HSD17B14: variants seen among roughly 807,000 people sequenced by gnomAD.
The protein encoded by HSD17B14 is hydroxysteroid 17-beta dehydrogenase 14.
Under a neutral mutation model 32.2 loss-of-function variants are expected in HSD17B14, and 32 were observed. The observed-to-expected ratio is 0.99, with a 90% confidence interval of 0.75 to 1.33. HSD17B14 has a LOEUF of 1.33. Among genes scored for constraint, HSD17B14 ranks in the 40% most tolerant of loss-of-function variants. The pLI, the probability that HSD17B14 is intolerant of heterozygous loss-of-function variation, is 0.00. For synonymous variants in HSD17B14, 140 were observed against 155.4 expected (o/e 0.90, Z 0.74); for missense variants, 370 against 366.5 (o/e 1.01, Z -0.08).
chr19:48,835,975 A>C, intron 1 of HSD17B14, 132 bp from the exon 2 acceptor site: 1 of 773,802 alleles, frequency 1.3e-6, no homozygotes, highest in Non-Finnish European at 2.1e-6. Context: ...CCCATAGGAC[A>C]GAGGGCAGAC....
chr19:48,832,412 A>AAAAAG (rs900558422), intron 4 of HSD17B14, among the ~76,000 whole-genome samples: 23 of 151,998 alleles, frequency 1.5e-4, no homozygotes, highest in Non-Finnish European at 3.2e-4. Flanking sequence ...GAAGAGAAGA[A>AAAAAG]AAAAGAAAAG....
In HSD17B14 at chr19:48,816,288, G is replaced by A. The variant is rs534542057; in HGVS notation, c.370-1147C>T. The stretch of plus-strand genomic sequence containing the variant: ...CACCCCTAGCAGGCTCTCCGAGTGG[G>A]AATCTAAATGAGCTCCCTGCCCGGT... On this transcript the variant is annotated intron_variant, in intron 5 of 8. Coordinates refer to ENST00000263278, the MANE Select transcript of HSD17B14 (RefSeq NM_016246.3). Among the ~76,000 whole-genome samples the A allele has an allele frequency of 1.6e-4, 25 of 152,240 alleles. No homozygotes were observed. In the South Asian group the frequency reaches 5.2e-3, roughly 32 times the overall value.
intron 5 of HSD17B14, among the ~76,000 whole-genome samples, chr19:48,822,326 GTGATGGTGATGA>G (rs2035169516): frequency 6.9e-6 from 1 of 144,728 alleles, no homozygotes; most frequent in African/African-American, 2.6e-5. Flanking sequence ...GGCAATGATG[GTGATGGTGATGA>G]TGGTGGTGAT....
chr19:48,816,040 A>G (rs957981320), intron 5 of HSD17B14, among the ~76,000 whole-genome samples: 15 of 150,320 alleles, frequency 1.0e-4, no homozygotes, highest in South Asian at 2.1e-4. Flanking sequence ...AAAAAAAAAA[A>G]AAAGAAATGC....
At chr19:48,816,022 GAAAAA>G (rs71179053) in intron 5 of HSD17B14, among the ~76,000 whole-genome samples, 4 of 74,308 alleles carry the variant, frequency 5.4e-5, no homozygotes, top group African/African-American at 1.7e-4. Context: ...CTCCGTTTCA[GAAAAA>G]AAAAAAAAAA....
chr19:48,815,327 G>A (rs2122736751), intron 5 of HSD17B14, among the ~76,000 whole-genome samples, 186 bp from the exon 6 acceptor site: 1 of 152,178 alleles, frequency 6.6e-6, no homozygotes, highest in Admixed American at 6.5e-5. Context: ...TGGGGTCGCT[G>A]GGTCTCAGCA....
intron 5 of HSD17B14, among the ~76,000 whole-genome samples, chr19:48,828,466 AAATT>A (rs2035287076): frequency 6.6e-6 from 1 of 151,838 alleles, no homozygotes; most frequent in Admixed American, 6.6e-5. Flanking sequence ...AAAAAGTTAA[AAATT>A]AGTCAGTCAT....
intron 5 of HSD17B14, among the ~76,000 whole-genome samples, chr19:48,815,760 A>T (rs2035040545): frequency 6.6e-6 from 1 of 151,994 alleles, no homozygotes; most frequent in Non-Finnish European, 1.5e-5. Flanking sequence ...AGTGTCTCAC[A>T]CCTGTAATCC....
Position 48,831,772 on chromosome 19 carries a change from G to A in HSD17B14, c.278-13C>T. On this transcript the variant is annotated splice_polypyrimidine_tract_variant and intron_variant, in intron 4 of 8. Coordinates refer to ENST00000263278, the MANE Select transcript of HSD17B14 (RefSeq NM_016246.3). ...TGTGGGGGTGGGTCTAAAGTGGGGG[G>A]TGAGAGAGAGAGGAAAAGTGACGGG... The A allele has an allele frequency of 2.6e-6, 4 of 1,536,510 alleles. No homozygotes were observed. Among genetic ancestry groups the A allele is most frequent in the Non-Finnish European group, 3.6e-6 (4 of 1,112,278 alleles).
At chr19:48,826,528 A>AAAATATATATATAT (rs777368104) in intron 5 of HSD17B14, among the ~76,000 whole-genome samples, 10 of 23,094 alleles carry the variant, frequency 4.3e-4, no homozygotes, top group Non-Finnish European at 5.2e-4. Flanking sequence ...AAAAGAAGAA[A>AAAATATATATATAT]ATATATATAT....
In HSD17B14 at chr19:48,813,695, C is replaced by T; in HGVS notation, c.510G>A (p.Leu170=). ...CTCGGACACCATATGGACTTTCATC[C>T]AGGGCCAAAGCTTTGGTCATGGCTG... ...AVTAMTKALA[L]DESPYGVRVN... Residue 170 remains leucine (L), a synonymous_variant, in exon 7 of 9, where the codon CTG becomes CTA. Transcript: ENST00000263278. 6.2e-7 allele frequency: 1 copy of T among 1,614,222 alleles called. No individual in the cohort carries two copies. Among genetic ancestry groups the T allele is most frequent in the Non-Finnish European group, 8.5e-7 (1 of 1,180,044 alleles).
At chr19:48,815,170 C>T in intron 5 of HSD17B14, 29 bp from the exon 6 acceptor site, 1 of 1,549,594 alleles carries the variant, frequency 6.5e-7, no homozygotes, top group Non-Finnish European at 8.9e-7. Context: ...AAGTAAGCTA[C>T]ACAAGCCCTG....
intron 5 of HSD17B14, among the ~76,000 whole-genome samples, chr19:48,819,592 C>T (rs1360905809): frequency 1.3e-5 from 2 of 152,140 alleles, no homozygotes; most frequent in African/African-American, 4.8e-5. Context: ...GCCAGGCCCT[C>T]GCCCTGCCAT....
chr19:48,823,711 A>G (rs1159481355), intron 5 of HSD17B14, among the ~76,000 whole-genome samples: 1 of 148,254 alleles, frequency 6.7e-6, no homozygotes, highest in Non-Finnish European at 1.5e-5. Flanking sequence ...ATTTCAGCCC[A>G]CTGCAACCTC....
chr19:48,827,801 G>A (rs1198919773), intron 5 of HSD17B14, among the ~76,000 whole-genome samples: 5 of 151,234 alleles, frequency 3.3e-5, no homozygotes, highest in African/African-American at 1.2e-4. Flanking sequence ...GCATCCCAAA[G>A]TGCTGGGATT....
At chr19:48,814,996 G>T in intron 6 of HSD17B14, 41 bp downstream of exon 6, 1 of 1,492,754 alleles carries the variant, frequency 6.7e-7, no homozygotes, top group Non-Finnish European at 9.3e-7. Flanking sequence ...AGGCCCATGG[G>T]AAGGAGTAGG....
At chr19:48,833,665 A>G (rs1353485625) in intron 3 of HSD17B14, among the ~76,000 whole-genome samples, 3 of 152,118 alleles carry the variant, frequency 2.0e-5, no homozygotes, top group Non-Finnish European at 4.4e-5. Context: ...CGTCTCTACT[A>G]AAAATACAAA....
At position 48,834,437 on chromosome 19, in the gene HSD17B14, G is replaced by C. The variant is rs1455360536; in HGVS notation, c.128-79C>G. The C allele has an allele frequency of 4.9e-5, 41 of 833,998 alleles. 1 individual carries two copies. The highest frequency in any genetic ancestry group is 2.5e-4 in the African/African-American group (14 of 55,170). The allele number at this position is 833,998 out of a possible 1,614,324, so 51.7% of individuals were successfully genotyped here. A position where few individuals can be genotyped will look rare whatever the true frequency, so the allele number is the denominator to read the frequency against. Reference sequence around the variant, plus strand: ...GTTGGGGACTTGGACTCCTGGGTCTGAGGGAGGAGGTGCTGGGGGCCTGGA... The same window carrying C: ...GTTGGGGACTTGGACTCCTGGGTCTCAGGGAGGAGGTGCTGGGGGCCTGGA... On this transcript the variant is annotated intron_variant, in intron 2 of 8. Coordinates refer to ENST00000263278, the MANE Select transcript of HSD17B14 (RefSeq NM_016246.3).
At chr19:48,825,279 G>T (rs1265517497) in intron 5 of HSD17B14, among the ~76,000 whole-genome samples, 1 of 151,604 alleles carries the variant, frequency 6.6e-6, no homozygotes, top group Admixed American at 6.6e-5. Flanking sequence ...GGGTGGTGGT[G>T]GGGGGCAGGA....
Sources: allele counts gnomAD v4.1 joint callset (sites outside exome capture counted in the v4.1 genomes callset), GRCh38; gene constraint gnomAD v4.1.1; transcripts MANE v1.5; gene names NCBI Gene and HGNC (gene_info 2026-07-23, HGNC 2026-07-21).